Variants in METTL15 observed in about 807,000 individuals in gnomAD.
METTL15 encodes 12S rRNA N(4)-cytidine methyltransferase METTL15.
A neutral mutation model predicts 38.3 loss-of-function variants in METTL15; 34 were observed. That is an observed-to-expected ratio of 0.89 (90% confidence interval 0.68 to 1.18). METTL15 has a LOEUF of 1.18. Among genes scored for constraint, METTL15 ranks in the 50% most tolerant of loss-of-function variants. METTL15 has a pLI of 0.00. For synonymous variants in METTL15, 162 were observed against 170.9 expected (o/e 0.95, Z 0.41); for missense variants, 438 against 498.4 (o/e 0.88, Z 1.15).
At chr11:28,327,829 C>T (rs552391031) in intron 6 of METTL15, 10 of 296,898 alleles carry the variant, frequency 3.4e-5, no homozygotes, top group African/African-American at 2.2e-4. Flanking sequence ...TTTTACAAAA[C>T]ACATTTACTG....
At chr11:28,328,285 T>G in intron 6 of METTL15, 1 of 897,690 alleles carries the variant, frequency 1.1e-6, no homozygotes, top group Non-Finnish European at 1.6e-6. Context: ...AAAGTAATTT[T>G]TATAGAGGAA....
intron 3 of METTL15, among the ~76,000 whole-genome samples, chr11:28,200,892 C>G (rs1389203128): frequency 1.3e-5 from 2 of 152,042 alleles, no homozygotes; most frequent in African/African-American, 2.4e-5. Context: ...CTTGAATCCC[C>G]TTTGTTTCTT....
At chr11:28,275,441 A>G (rs1279173627) in intron 4 of METTL15, among the ~76,000 whole-genome samples, 1 of 152,022 alleles carries the variant, frequency 6.6e-6, no homozygotes, top group Non-Finnish European at 1.5e-5. Flanking sequence ...AGTAATGTGT[A>G]GCAAGGTTGA....
At chr11:28,484,587 C>G (rs546030538) in intron 6 of METTL15, among the ~76,000 whole-genome samples, 10 of 152,240 alleles carry the variant, frequency 6.6e-5, no homozygotes, top group African/African-American at 2.4e-4. Context: ...TCTGGGGGAT[C>G]TGCTTTTGGC....
chr11:28,526,302 A>T (rs751746694), intron 6 of METTL15, among the ~76,000 whole-genome samples: 2 of 152,226 alleles, frequency 1.3e-5, no homozygotes, highest in Non-Finnish European at 2.9e-5. Context: ...GGAGGTGCCA[A>T]GAGTGAGCGA....
chr11:28,214,866 A>G (rs1474018447), intron 4 of METTL15, among the ~76,000 whole-genome samples: 1 of 152,248 alleles, frequency 6.6e-6, no homozygotes, highest in Non-Finnish European at 1.5e-5. Context: ...AACTCTATTC[A>G]GAATAGAAGA....
intron 6 of METTL15, among the ~76,000 whole-genome samples, chr11:28,475,297 G>T (rs888862417): frequency 6.6e-6 from 1 of 152,152 alleles, no homozygotes; most frequent in African/African-American, 2.4e-5. Flanking sequence ...AATGAAAATT[G>T]CATGATCCTC....
intron 6 of METTL15, among the ~76,000 whole-genome samples, chr11:28,447,675 T>G (rs986886776): frequency 2.0e-4 from 30 of 152,182 alleles, no homozygotes; most frequent in African/African-American, 7.2e-4. Context: ...CCATGAATAA[T>G]TTTTCAAATC....
intron 4 of METTL15, among the ~76,000 whole-genome samples, chr11:28,281,256 G>A (rs1856043576): frequency 6.6e-6 from 1 of 152,134 alleles, no homozygotes; most frequent in Non-Finnish European, 1.5e-5. Context: ...CTTTCTACTA[G>A]TTTAATCCCA....
Position 28,331,171 on chromosome 11 carries a change from A to G in METTL15, c.*330A>G, listed in dbSNP as rs1010609230. On this transcript the variant is annotated 3_prime_UTR_variant, in exon 7 of 7. Transcript: ENST00000407364. The stretch of plus-strand genomic sequence containing the variant: ...CTAAATACGTAAACTCAAGCTACCA[A>G]AGAGAAAGATGTTGTAATCATATCT... 97 of 179,516 alleles carry G rather than the reference A, an allele frequency of 5.4e-4. No homozygotes were observed. The highest frequency in any genetic ancestry group is 2.2e-3 in the African/African-American group (90 of 41,652). 11.1% of individuals were successfully genotyped at this position (179,516 alleles called of 1,614,324 possible).
At chr11:28,441,199 G>A (rs989795294) in intron 6 of METTL15, among the ~76,000 whole-genome samples, 2 of 151,066 alleles carry the variant, frequency 1.3e-5, no homozygotes, top group Non-Finnish European at 1.5e-5. Context: ...ATCCTCCTGC[G>A]TCAGCCTCCG....
chr11:28,328,173 G>A, intron 6 of METTL15: 1 of 1,608,374 alleles, frequency 6.2e-7, no homozygotes, highest in Non-Finnish European at 8.5e-7. Context: ...ATGGTAAGAA[G>A]CTGGCCTTCC....
At chr11:28,194,588 A>G (rs886509239) in intron 3 of METTL15, among the ~76,000 whole-genome samples, 1 of 152,114 alleles carries the variant, frequency 6.6e-6, no homozygotes, top group African/African-American at 2.4e-5. Context: ...AACTTCATAG[A>G]AGACAAATAC....
chr11:28,525,270 A>G (rs1201508599), intron 6 of METTL15, among the ~76,000 whole-genome samples: 1 of 152,168 alleles, frequency 6.6e-6, no homozygotes, highest in African/African-American at 2.4e-5. Flanking sequence ...GGCCCCACGC[A>G]CATCCTGCTG....
At chr11:28,394,266 A>T (rs1850545390) in intron 5 of METTL15, among the ~76,000 whole-genome samples, 1 of 152,096 alleles carries the variant, frequency 6.6e-6, no homozygotes, top group South Asian at 2.1e-4. Flanking sequence ...TAATTAACAG[A>T]TGGTTAACAA....
At position 28,189,015 on chromosome 11, in the gene METTL15, T is replaced by C. The variant is rs75480938; in HGVS notation, c.271-22047T>C. Among the ~76,000 whole-genome samples, 54 of 151,452 alleles carry C rather than the reference T, an allele frequency of 3.6e-4. 1 individual carries two copies. In the East Asian group the frequency reaches 8.3e-3, roughly 23 times the overall value. On this transcript the variant is annotated intron_variant, in intron 3 of 6. Coordinates refer to ENST00000407364, the MANE Select transcript of METTL15 (RefSeq NM_001113528.2). Reference sequence around the variant, plus strand: ...TTACCATAATGTGTTCAATGTGTGATGTAGGTGTGTAGCTTATTTTGTTGT... The same window carrying C: ...TTACCATAATGTGTTCAATGTGTGACGTAGGTGTGTAGCTTATTTTGTTGT...
intron 3 of METTL15, among the ~76,000 whole-genome samples, chr11:28,136,655 A>G (rs909674911): frequency 6.6e-5 from 10 of 152,126 alleles, no homozygotes; most frequent in Non-Finnish European, 1.2e-4. Flanking sequence ...AATATAACCT[A>G]TGGAAGATTA....
chr11:28,255,400 G>A (rs913159994), intron 4 of METTL15, among the ~76,000 whole-genome samples: 1 of 152,116 alleles, frequency 6.6e-6, no homozygotes, highest in Non-Finnish European at 1.5e-5. Context: ...CTGCAAACAA[G>A]GATAATTTGA....
chr11:28,430,945 G>T (rs1850920451), intron 6 of METTL15, among the ~76,000 whole-genome samples: 1 of 108,394 alleles, frequency 9.2e-6, no homozygotes, highest in Admixed American at 9.3e-5. Flanking sequence ...CGTCCGGGAG[G>T]TGAGGGGCGC....
Sources: gnomAD v4.1 joint callset for allele counts (sites outside exome capture counted in the v4.1 genomes callset) on GRCh38, gnomAD v4.1.1 for gene constraint, MANE v1.5 for transcripts, NCBI Gene and HGNC (gene_info 2026-07-23, HGNC 2026-07-21) for gene names.